The following NBEA variants were observed in gnomAD, a reference collection of about 807,000 sequenced individuals.
NBEA encodes lysosomal-trafficking regulator 2.
A neutral mutation model predicts 343.4 loss-of-function variants in NBEA; 44 were observed. The ratio of observed to expected loss-of-function variants is 0.13; its 90% CI spans 0.10 to 0.16. The LOEUF is 0.16. Among genes scored for constraint, NBEA ranks in the 10% least tolerant of loss-of-function variants. The pLI is 1.00. For synonymous variants in NBEA, 1,175 were observed against 1,238.7 expected, an observed-to-expected ratio of 0.95 and a Z score of 1.08; for missense variants, 2,555 against 3,631.3, an observed-to-expected ratio of 0.70 and a Z score of 7.62.
intron 41 of NBEA, among the ~76,000 whole-genome samples, chr13:35,492,240 T>G (rs140687153): frequency 2.0e-5 from 3 of 151,872 alleles, no homozygotes; most frequent in East Asian, 3.9e-4. Flanking sequence ...TGAATTGGGT[T>G]TAATGTATAC....
At chr13:35,299,757 C>T (rs1448894430) in intron 35 of NBEA, among the ~76,000 whole-genome samples, 1 of 152,150 alleles carries the variant, frequency 6.6e-6, no homozygotes, top group Non-Finnish European at 1.5e-5. Context: ...GCAAAAAATT[C>T]TGGAATAATT....
chr13:35,663,787 C>T (rs1376493787), intron 55 of NBEA, among the ~76,000 whole-genome samples: 1 of 152,158 alleles, frequency 6.6e-6, no homozygotes, highest in Non-Finnish European at 1.5e-5. Flanking sequence ...AATGGACACT[C>T]TACCAATAGT....
intron 41 of NBEA, among the ~76,000 whole-genome samples, chr13:35,510,136 T>C (rs1211586575): frequency 6.6e-6 from 1 of 152,188 alleles, no homozygotes; most frequent in Non-Finnish European, 1.5e-5. Context: ...CTCCAGAATT[T>C]CTGTGTAGAG....
At chr13:35,295,124 A>C (rs1444151277) in intron 35 of NBEA, among the ~76,000 whole-genome samples, 1 of 148,162 alleles carries the variant, frequency 6.7e-6, no homozygotes, top group East Asian at 1.9e-4. Context: ...TATTTAATAT[A>C]TAAATATAAT....
At chr13:35,075,742 A>G (rs2064085211) in intron 10 of NBEA, among the ~76,000 whole-genome samples, 1 of 152,048 alleles carries the variant, frequency 6.6e-6, no homozygotes, top group Admixed American at 6.6e-5. Flanking sequence ...CACTTTAATA[A>G]TTAAGCAGCC....
chr13:35,249,306 A>C (rs1156488386), intron 34 of NBEA, among the ~76,000 whole-genome samples: 1 of 152,220 alleles, frequency 6.6e-6, no homozygotes, highest in East Asian at 1.9e-4. Context: ...CAAAAGACAC[A>C]ATCAACAGAG....
At chr13:35,108,608 C>T (rs2152655534) in intron 11 of NBEA, among the ~76,000 whole-genome samples, 1 of 152,084 alleles carries the variant, frequency 6.6e-6, no homozygotes, top group South Asian at 2.1e-4. Context: ...ATACTTATGA[C>T]ACATCTCACT....
intron 35 of NBEA, among the ~76,000 whole-genome samples, chr13:35,307,538 G>A (rs1208361495): frequency 6.6e-6 from 1 of 151,920 alleles, no homozygotes; most frequent in Non-Finnish European, 1.5e-5. Flanking sequence ...CATACTTTGG[G>A]ATGCACATGT....
At chr13:35,081,623 TATTAAC>T (rs2064404573) in intron 10 of NBEA, among the ~76,000 whole-genome samples, 1 of 152,080 alleles carries the variant, frequency 6.6e-6, no homozygotes, top group African/African-American at 2.4e-5. Flanking sequence ...GTTTGGAGGA[TATTAAC>T]AATGTTTGTT....
chr13:35,417,139 T>G (rs1428031361), intron 38 of NBEA, among the ~76,000 whole-genome samples: 1 of 152,180 alleles, frequency 6.6e-6, no homozygotes, highest in Admixed American at 6.5e-5. Context: ...TCTTCTTTAT[T>G]AGTCTTGCTA....
intron 41 of NBEA, among the ~76,000 whole-genome samples, chr13:35,517,345 G>A (rs2077524746): frequency 1.3e-5 from 2 of 152,184 alleles, no homozygotes; most frequent in Non-Finnish European, 2.9e-5. Context: ...AATCCCAAAG[G>A]TACTTCTCTA....
chr13:35,423,637 T>C (rs1009057747), intron 38 of NBEA, among the ~76,000 whole-genome samples: 1 of 152,186 alleles, frequency 6.6e-6, no homozygotes, highest in Non-Finnish European at 1.5e-5. Context: ...ATGTGGGCTC[T>C]TTTTTGGTTC....
chr13:34,984,604 G>A (rs895858475), intron 1 of NBEA, among the ~76,000 whole-genome samples: 2 of 150,954 alleles, frequency 1.3e-5, no homozygotes, highest in East Asian at 1.9e-4. Flanking sequence ...GCTTGATGGG[G>A]ATGGCATTGA....
At chr13:35,373,161 C>A (rs1430596713) in intron 38 of NBEA, among the ~76,000 whole-genome samples, 4 of 152,068 alleles carry the variant, frequency 2.6e-5, no homozygotes, top group Non-Finnish European at 5.9e-5. Context: ...AGTGGGCTGC[C>A]TCACATCCCT....
At position 34,953,837 on chromosome 13, in the gene NBEA, A is replaced by C. The variant is rs532770803; in HGVS notation, c.294+10723A>C. Among the ~76,000 whole-genome samples the C allele has an allele frequency of 2.4e-4, 36 of 152,338 alleles. No individual in the cohort carries two copies. The East Asian group carries it at 3.1e-3, about 13-fold the overall frequency. ...GCAGAAAGTGGGCCATGGGTGAGCG[A>C]GCATTACCACCTGAGCTCTGCCTCC... On this transcript the variant is annotated intron_variant, in intron 1 of 58. Coordinates refer to ENST00000379939, the MANE Select transcript of NBEA (RefSeq NM_001385012.1).
intron 12 of NBEA, 101 bp from the exon 13 acceptor site, chr13:35,110,709 G>A: frequency 1.2e-6 from 1 of 857,092 alleles, no homozygotes. Flanking sequence ...TCATTTCTTG[G>A]TCTTTACTAA....
chr13:35,120,452 A>G (rs2066733525), intron 16 of NBEA, among the ~76,000 whole-genome samples: 1 of 152,178 alleles, frequency 6.6e-6, no homozygotes, highest in Admixed American at 6.5e-5. Flanking sequence ...ATAGTATAAA[A>G]GATGAAAAAA....
At chr13:35,408,389 A>G (rs2043393729) in intron 38 of NBEA, among the ~76,000 whole-genome samples, 1 of 152,306 alleles carries the variant, frequency 6.6e-6, no homozygotes, top group Admixed American at 6.5e-5. Context: ...TAAATGTAAA[A>G]CCCAAAACTA....
chr13:35,604,154 G>A (rs2153050234), intron 47 of NBEA, among the ~76,000 whole-genome samples: 1 of 152,254 alleles, frequency 6.6e-6, no homozygotes, highest in South Asian at 2.1e-4. Context: ...TGATAGAATA[G>A]TCACTGCTGA....
Sources: gnomAD v4.1 joint callset for allele counts (sites outside exome capture counted in the v4.1 genomes callset) on GRCh38, gnomAD v4.1.1 for gene constraint, MANE v1.5 for transcripts, NCBI Gene and HGNC (gene_info 2026-07-23, HGNC 2026-07-21) for gene names.